GRK5: variants seen among roughly 807,000 people sequenced by gnomAD.
GRK5 encodes the protein g protein-coupled receptor kinase GRK5.
Under a neutral mutation model 78.4 loss-of-function variants are expected in GRK5, and 40 were observed. The observed-to-expected ratio is 0.51, with a 90% CI of 0.40 to 0.66. The LOEUF is 0.66. Among genes scored for constraint, GRK5 ranks in the 30% least tolerant of loss-of-function variants. GRK5 has a pLI of 0.00. For missense variants in GRK5, 598 were observed against 759.9 expected, an observed-to-expected ratio of 0.79 and a Z score of 2.50; for synonymous variants, 289 against 296.8, an observed-to-expected ratio of 0.97 and a Z score of 0.27.
intron 4 of GRK5, among the ~76,000 whole-genome samples, chr10:119,404,248 A>G (rs985774329): frequency 1.3e-5 from 2 of 152,290 alleles, no homozygotes; most frequent in Admixed American, 6.5e-5. Flanking sequence ...ATTCTGATTC[A>G]TACTTCCCTA....
chr10:119,223,141 C>CA (rs1282181199), intron 1 of GRK5, among the ~76,000 whole-genome samples: 4 of 152,178 alleles, frequency 2.6e-5, no homozygotes, highest in Admixed American at 2.6e-4. Flanking sequence ...AGACCCGTTC[C>CA]AGGCCTCTCT....
Position 119,336,541 on chromosome 10 carries a change from G to A in GRK5, c.148+9930G>A, listed in dbSNP as rs1850890479. Among the ~76,000 whole-genome samples the A allele has an allele frequency of 6.6e-6, 1 of 152,334 alleles. No homozygotes were observed. The highest frequency in any genetic ancestry group is 2.4e-5 in the African/African-American group (1 of 41,580). Reference sequence around the variant, plus strand: ...CCCTGCCTGATTCCACAGTGGGGCAGAGGGAATGGTGACACTGTTTCCCCC... The same window carrying A: ...CCCTGCCTGATTCCACAGTGGGGCAAAGGGAATGGTGACACTGTTTCCCCC... On this transcript the variant is annotated intron_variant, in intron 2 of 15. Transcript: ENST00000392870. This position sits in a 1 kb window ranked among gnomAD's most constrained non-coding sequence, Gnocchi z 4.5.
chr10:119,407,311 T>C (rs1287610403), intron 4 of GRK5, among the ~76,000 whole-genome samples: 3 of 152,182 alleles, frequency 2.0e-5, no homozygotes, highest in African/African-American at 7.2e-5. Flanking sequence ...ATCTTCCTTG[T>C]GGGGCTTTCT....
Position 119,413,571 on chromosome 10 carries a change from G to A in GRK5, c.340-9595G>A, listed in dbSNP as rs557136479. ...AGGTCTGCTACTTGCTAAGCGTTCC[G>A]TCTGCGGGCATTTGCGGAACCCTCA... On this transcript the variant is annotated intron_variant, in intron 4 of 15. Coordinates refer to ENST00000392870, the MANE Select transcript of GRK5 (RefSeq NM_005308.3). Among the ~76,000 whole-genome samples, 10 of 152,082 alleles carry A rather than the reference G, an allele frequency of 6.6e-5. No homozygotes were observed. In the South Asian group the frequency reaches 8.3e-4, roughly 13 times the overall value.
intron 2 of GRK5, among the ~76,000 whole-genome samples, chr10:119,338,826 C>T (rs1470713810): frequency 6.6e-6 from 1 of 152,144 alleles, no homozygotes; most frequent in Non-Finnish European, 1.5e-5. Context: ...TAAATGTGAA[C>T]CCAGAATAAA....
At chr10:119,299,467 G>A (rs1330781523) in intron 1 of GRK5, among the ~76,000 whole-genome samples, 2 of 152,008 alleles carry the variant, frequency 1.3e-5, no homozygotes, top group African/African-American at 2.4e-5. Flanking sequence ...CATACCAGGA[G>A]AGACAGTAAA....
At chr10:119,233,753 G>GTGTCAAGGA (rs1190027029) in intron 1 of GRK5, among the ~76,000 whole-genome samples, 1 of 152,094 alleles carries the variant, frequency 6.6e-6, no homozygotes, top group Non-Finnish European at 1.5e-5. Context: ...CCAGCCCCCT[G>GTGTCAAGGA]AGTCAAGGAA....
intron 1 of GRK5, among the ~76,000 whole-genome samples, chr10:119,310,992 CAG>C (rs1163734895): frequency 6.6e-6 from 1 of 152,152 alleles, no homozygotes; most frequent in Non-Finnish European, 1.5e-5. Context: ...GCTGGGTCAA[CAG>C]ACAGAGTGAG....
chr10:119,345,029 C>T (rs549172790), intron 2 of GRK5, among the ~76,000 whole-genome samples: 199 of 151,526 alleles, frequency 1.3e-3, no homozygotes, highest in Non-Finnish European at 2.4e-3. Context: ...AGTGCAGTGG[C>T]GCCATCTCGG....
At chr10:119,326,635 G>A (rs1850685118) in intron 2 of GRK5, 24 bp downstream of exon 2, 3 of 1,550,536 alleles carry the variant, frequency 1.9e-6, no homozygotes, top group Middle Eastern at 1.7e-4. Context: ...CCTGGGGGCT[G>A]TGCGGGGAGT....
At chr10:119,214,692 G>T (rs1848542821) in intron 1 of GRK5, among the ~76,000 whole-genome samples, 1 of 152,028 alleles carries the variant, frequency 6.6e-6, no homozygotes. Context: ...GCTAATTTTT[G>T]TATTTTTTGT....
Position 119,457,167 on chromosome 10 carries a change from G to C in GRK5, c.*2100G>C, listed in dbSNP as rs1408701858. ...GAACTTCCTTTTTCAATGAAAAGAA[G>C]GACCATCATCCTAGGATGGTCACCA... On this transcript the variant is annotated 3_prime_UTR_variant, in exon 16 of 16. Transcript: ENST00000392870. 6.6e-6 allele frequency: 1 copy of C among 152,058 alleles called. No homozygotes were observed. Among genetic ancestry groups the C allele is most frequent in the Non-Finnish European group, 1.5e-5 (1 of 68,004 alleles). The allele number at this position is 152,058 out of a possible 1,614,324, so 9.4% of individuals were successfully genotyped here. A position where few individuals can be genotyped will look rare whatever the true frequency, so the allele number is the denominator to read the frequency against.
At chr10:119,322,500 G>A (rs570823267) in intron 1 of GRK5, among the ~76,000 whole-genome samples, 37 of 152,340 alleles carry the variant, frequency 2.4e-4, no homozygotes, top group African/African-American at 6.7e-4. Flanking sequence ...CACTGTGTCC[G>A]GCACCTGCAG....
intron 2 of GRK5, among the ~76,000 whole-genome samples, chr10:119,369,426 G>A (rs1851509863): frequency 6.6e-6 from 1 of 152,170 alleles, no homozygotes; most frequent in Non-Finnish European, 1.5e-5. Flanking sequence ...GCCACGCAGG[G>A]TAAAACAAAC....
intron 2 of GRK5, among the ~76,000 whole-genome samples, chr10:119,365,446 A>T (rs777544066): frequency 1.3e-4 from 20 of 152,224 alleles, no homozygotes; most frequent in Non-Finnish European, 2.4e-4. Context: ...AGGCTGACAG[A>T]AGCAGCTATG....
At chr10:119,308,150 C>G (rs1053154743) in intron 1 of GRK5, among the ~76,000 whole-genome samples, 35 of 152,130 alleles carry the variant, frequency 2.3e-4, no homozygotes, top group African/African-American at 8.2e-4. Context: ...TAAGGCTGCT[C>G]CCCAGGTCCT....
At chr10:119,408,726 A>G (rs1359412989) in intron 4 of GRK5, among the ~76,000 whole-genome samples, 1 of 152,196 alleles carries the variant, frequency 6.6e-6, no homozygotes, top group Non-Finnish European at 1.5e-5. Flanking sequence ...GCTGCTTAAC[A>G]GGTACAGAGT....
intron 4 of GRK5, among the ~76,000 whole-genome samples, chr10:119,407,109 A>C (rs115901483): frequency 0.01 from 1,583 of 152,298 alleles, 21 homozygotes; most frequent in African/African-American, 0.037. Flanking sequence ...TGTGGTTGAC[A>C]AAGCTGGGGG....
intron 1 of GRK5, among the ~76,000 whole-genome samples, chr10:119,294,272 T>C (rs1850040882): frequency 6.6e-6 from 1 of 152,174 alleles, no homozygotes; most frequent in Non-Finnish European, 1.5e-5. Flanking sequence ...ATAACCACTT[T>C]TAATGGGTCC....
Sources: gnomAD v4.1 joint callset for allele counts (sites outside exome capture counted in the v4.1 genomes callset) on GRCh38, gnomAD v4.1.1 for gene constraint, Gnocchi (gnomAD v3.1) non-coding constraint, MANE v1.5 for transcripts, NCBI Gene and HGNC (gene_info 2026-07-23, HGNC 2026-07-21) for gene names.